The following SALL1 variants were observed in gnomAD, a reference collection of about 807,000 sequenced individuals.
SALL1 encodes the protein spalt like transcription factor 1.
A neutral mutation model predicts 73.1 loss-of-function variants in SALL1; 10 were observed. The ratio of observed to expected loss-of-function variants is 0.14; its 90% confidence interval spans 0.08 to 0.23. The LOEUF is 0.23. Among genes scored for constraint, SALL1 ranks in the 10% least tolerant of loss-of-function variants. The pLI, the probability that SALL1 is intolerant of heterozygous loss-of-function variation, is 1.00. For synonymous variants in SALL1, 688 were observed against 689.8 expected (o/e 1.00, Z 0.04); for missense variants, 1,520 against 1,697.3 (o/e 0.90, Z 1.84).
At chr16:51,142,876 C>T (rs1962465255) in intron 1 of SALL1, among the ~76,000 whole-genome samples, 1 of 152,174 alleles carries the variant, frequency 6.6e-6, no homozygotes, top group Non-Finnish European at 1.5e-5. Flanking sequence ...CACCCCATGG[C>T]ATGTTTATTT....
chr16:51,144,676 C>T (rs1962490273), intron 1 of SALL1, among the ~76,000 whole-genome samples: 3 of 152,170 alleles, frequency 2.0e-5, no homozygotes, highest in African/African-American at 7.2e-5. Context: ...GGTTACTTTA[C>T]AGGATTTAGC....
rs771150548 is a variant in SALL1, at chr16:51,137,464, C to T, written c.3623G>A (p.Gly1208Asp). 4 of 1,614,036 alleles carry T rather than the reference C, an allele frequency of 2.5e-6. No individual in the cohort carries two copies. In the Admixed American group the frequency reaches 6.7e-5, roughly 27 times the overall value. ...CATTTCTGGGAACTTGACGGGATTG[C>T]CTCCTAGAAATGTCATGGGGCCATC... The part of the protein sequence containing the change: ...SVDGPMTFLG[G>D]NPVKFPEMFQ... Residue 1208 changes from glycine to aspartate, a missense_variant, in exon 3 of 3, where the codon GGC becomes GAC. By Grantham distance (94) the Gly-to-Asp change is moderately conservative. Around this residue, in one of 7 missense-constraint regions of SALL1, gnomAD observed 318 missense variants for 357.1 expected, o/e 0.89. Coordinates refer to ENST00000251020, the MANE Select transcript of SALL1 (RefSeq NM_002968.3).
chr16:51,144,417 T>C (rs542397722), intron 1 of SALL1, among the ~76,000 whole-genome samples: 1 of 152,304 alleles, frequency 6.6e-6, no homozygotes. Context: ...CCAGCTCACA[T>C]TTATCAAAAC....
chr16:51,145,369 G>C (rs767767869), intron 1 of SALL1, among the ~76,000 whole-genome samples: 1 of 152,058 alleles, frequency 6.6e-6, no homozygotes, highest in Non-Finnish European at 1.5e-5. Flanking sequence ...CTTGTTCCTT[G>C]TACTATGGTG....
At position 51,139,781 on chromosome 16, in the gene SALL1, T is replaced by C. The variant is rs1346262839; in HGVS notation, c.2441A>G (p.Asp814Gly). 2.5e-6 allele frequency: 4 copies of C among 1,614,028 alleles called. No individual in the cohort carries two copies. The highest frequency in any genetic ancestry group is 3.4e-6 in the Non-Finnish European group (4 of 1,180,036). ...GTCTAGGTCATCAAAATTTTTCTCA[T>C]CAAAGGAACCTGTGTCAGACTCCAT... The part of the protein sequence containing the change: ...ESMESDTGSF[D>G]EKNFDDLDNF... The change falls in exon 2 of 3, where the codon GAT becomes GGT. Residue 814 changes from aspartate to glycine, a missense_variant. Coordinates refer to ENST00000251020, the MANE Select transcript of SALL1 (RefSeq NM_002968.3).
At chr16:51,151,737 C>T (rs1271257262), upstream of SALL1, among the ~76,000 whole-genome samples, 2 of 149,446 alleles carry the variant, frequency 1.3e-5, no homozygotes, top group Admixed American at 1.3e-4. Context: ...TCTTCCCTCC[C>T]TCCTTCGCCC....
intron 1 of SALL1, among the ~76,000 whole-genome samples, chr16:51,143,644 A>G (rs573461892): frequency 1.6e-4 from 25 of 152,346 alleles, no homozygotes; most frequent in Admixed American, 5.9e-4. Flanking sequence ...TGTAGTAAAC[A>G]TTTTTAAAAA....
At position 51,151,172 on chromosome 16, in the gene SALL1, G is replaced by T; in HGVS notation, c.70C>A (p.Arg24=). 1 of 1,596,578 alleles carries T rather than the reference G, an allele frequency of 6.3e-7. No individual in the cohort carries two copies. The change falls in exon 1 of 3, where the codon CGA becomes AGA. Residue 24 remains arginine (R), a synonymous_variant. Coordinates refer to ENST00000251020, the MANE Select transcript of SALL1 (RefSeq NM_002968.3). ...CGCGGGCCGGAGCACTCACCATCTC[G>T]CCGGGGGAGCGAGGCCACTTCGGGG... ...SDPEVASLPR[R]DGDTEKGQPS...
chr16:51,150,921 C>G (rs1024804697), intron 1 of SALL1: 2 of 394,278 alleles, frequency 5.1e-6, no homozygotes, highest in Non-Finnish European at 9.0e-6. Context: ...CCGGGAGGAC[C>G]CAACAACTCC....
chr16:51,140,863 G>T lies in SALL1; in HGVS notation c.1359C>A (p.Phe453Leu). 1 of 1,614,214 alleles carries T rather than the reference G, an allele frequency of 6.2e-7. No individual in the cohort carries two copies. The highest frequency in any genetic ancestry group is 8.5e-7 in the Non-Finnish European group (1 of 1,180,040). The change falls in exon 2 of 3, where the codon TTC becomes TTA. Residue 453 changes from phenylalanine to leucine, a missense_variant. Phe to Leu is a conservative substitution (Grantham distance 22). This residue lies in a region of SALL1 where 21 missense variants were observed against 69.3 expected (regional missense o/e 0.30). Coordinates refer to ENST00000251020, the MANE Select transcript of SALL1 (RefSeq NM_002968.3). The surrounding 1 kb of genome is among the most constrained non-coding windows in gnomAD (Gnocchi z 5.7). ...TGTCACTCCCAAAGACCTTCGCGCAGAACCTGCACTTGTGTTTGAAGAATG... is the reference window on the plus strand; with the variant it reads ...TGTCACTCCCAAAGACCTTCGCGCATAACCTGCACTTGTGTTTGAAGAATG... ...DEAFFKHKCR[F>L]CAKVFGSDSA...
At position 51,139,849 on chromosome 16, in the gene SALL1, G is replaced by T. The variant is rs377295510; in HGVS notation, c.2373C>A (p.Gly791=). The T allele has an allele frequency of 7.1e-5, 115 of 1,614,196 alleles. 1 individual carries two copies. The South Asian group carries it at 9.1e-4, about 13-fold the overall frequency. ...CGGGGACTGGGGTGTTGGGGATCTG[G>T]CCTCCCATATGCATTCGGATGTGCT... is the stretch of plus-strand genomic sequence containing the variant. ...LQQHIRMHMG[G]QIPNTPVPDS... is the part of the protein sequence containing the mutation. The change falls in exon 2 of 3, where the codon GGC becomes GGA. Residue 791 remains glycine, a synonymous_variant. Transcript: ENST00000251020.
At chr16:51,151,303 T>C (rs898550009), upstream of SALL1, 10 of 1,263,824 alleles carry the variant, frequency 7.9e-6, no homozygotes, top group South Asian at 1.3e-4. Context: ...TTCTCAAAAT[T>C]ACGGAAATCG....
intron 1 of SALL1, among the ~76,000 whole-genome samples, chr16:51,143,933 C>T (rs550051018): frequency 1.3e-5 from 2 of 152,144 alleles, no homozygotes; most frequent in Non-Finnish European, 1.5e-5. Context: ...GCAGAAAATA[C>T]CAATAATGAT....
At chr16:51,138,433 C>T (rs780720029) in intron 2 of SALL1, among the ~76,000 whole-genome samples, 1 of 152,136 alleles carries the variant, frequency 6.6e-6, no homozygotes, top group Non-Finnish European at 1.5e-5. Flanking sequence ...GCCGCTGCTT[C>T]GCTTAGGTAC....
At chr16:51,146,825 G>A (rs1234477279) in intron 1 of SALL1, among the ~76,000 whole-genome samples, 1 of 152,086 alleles carries the variant, frequency 6.6e-6, no homozygotes. Context: ...TTTTTGGGGG[G>A]AGGGGTGTTA....
intron 2 of SALL1, 71 bp downstream of exon 2, chr16:51,138,617 T>G (rs1597227545): frequency 1.3e-6 from 2 of 1,542,908 alleles, no homozygotes; most frequent in South Asian, 1.2e-5. Flanking sequence ...TCTGGGGGCA[T>G]GCATTATAGA....
intron 1 of SALL1, among the ~76,000 whole-genome samples, chr16:51,144,031 C>CT (rs1259018575): frequency 0.087 from 17 of 196 alleles, no homozygotes; most frequent in East Asian, 0.37. Flanking sequence ...TTCTGCTTCT[C>CT]CCCTGCCTTA....
chr16:51,150,608 C>A (rs1463046762), intron 1 of SALL1: 2 of 985,330 alleles, frequency 2.0e-6, no homozygotes, highest in African/African-American at 3.5e-5. Context: ...ACACCCGGTT[C>A]TGCCTCGCAG....
At position 51,137,070 on chromosome 16, in the gene SALL1, T is replaced by C. The variant is rs1206066162; in HGVS notation, c.*42A>G. The C allele has an allele frequency of 1.9e-6, 3 of 1,607,160 alleles. No homozygotes were observed. Among genetic ancestry groups the C allele is most frequent in the South Asian group, 1.1e-5 (1 of 90,740 alleles). ...GAGTAGGAGGCCACCATAGGTCGCA[T>C]TCTGAACAGGAATGAATGCTATGTC... On this transcript the variant is annotated 3_prime_UTR_variant, in exon 3 of 3. Coordinates refer to ENST00000251020, the MANE Select transcript of SALL1 (RefSeq NM_002968.3).
Sources: allele counts gnomAD v4.1 joint callset (sites outside exome capture counted in the v4.1 genomes callset), GRCh38; gene constraint gnomAD v4.1.1; regional missense constraint gnomAD v4.1.1; non-coding constraint Gnocchi (gnomAD v3.1); transcripts MANE v1.5; gene names NCBI Gene and HGNC (gene_info 2026-07-23, HGNC 2026-07-21).